Variants in EYS observed in about 807,000 individuals in gnomAD.
EYS encodes the protein protein eyes shut homolog.
Under a neutral mutation model 282.1 loss-of-function variants are expected in EYS, and 250 were observed. The ratio of observed to expected loss-of-function variants is 0.89; its 90% CI spans 0.80 to 0.98. The LOEUF is 0.98. EYS is among the 50% of genes least tolerant of loss of function. EYS has a pLI of 0.00. For synonymous variants in EYS, 1,355 were observed against 1,282.9 expected (o/e 1.06, Z -1.20); for missense variants, 4,016 against 3,709.0 (o/e 1.08, Z -2.15).
At chr6:65,585,135 A>G (rs1041119737) in intron 2 of EYS, among the ~76,000 whole-genome samples, 1 of 151,940 alleles carries the variant, frequency 6.6e-6, no homozygotes, top group African/African-American at 2.4e-5. Context: ...GAAAATACTT[A>G]CAATAAAGCA....
intron 12 of EYS, among the ~76,000 whole-genome samples, chr6:65,074,434 A>T (rs766928945): frequency 2.0e-5 from 3 of 152,054 alleles, no homozygotes; most frequent in African/African-American, 7.2e-5. Context: ...GAGACCTTGT[A>T]GAGACCATGT....
At chr6:65,038,807 C>A (rs1239925215) in intron 13 of EYS, among the ~76,000 whole-genome samples, 7 of 151,070 alleles carry the variant, frequency 4.6e-5, no homozygotes, top group Admixed American at 1.3e-4. Context: ...TTACATTTTT[C>A]TGATGATTAA....
intron 5 of EYS, among the ~76,000 whole-genome samples, chr6:65,464,109 T>C (rs372620778): frequency 6.6e-6 from 1 of 152,172 alleles, no homozygotes; most frequent in Admixed American, 6.6e-5. Flanking sequence ...GGATGTAAAT[T>C]GTCATGTAGT....
At chr6:65,706,101 C>T (rs1769867928) in intron 1 of EYS, among the ~76,000 whole-genome samples, 1 of 151,442 alleles carries the variant, frequency 6.6e-6, no homozygotes, top group Non-Finnish European at 1.5e-5. Context: ...CTTCAATATT[C>T]ATTTCATATG....
At chr6:64,911,856 C>A (rs1005544295) in intron 16 of EYS, among the ~76,000 whole-genome samples, 1 of 151,980 alleles carries the variant, frequency 6.6e-6, no homozygotes, top group Admixed American at 6.6e-5. Flanking sequence ...ATGAAGAGAC[C>A]CCAATCAAGA....
At chr6:64,486,788 C>T (rs749348761) in intron 26 of EYS, among the ~76,000 whole-genome samples, 4 of 151,270 alleles carry the variant, frequency 2.6e-5, no homozygotes, top group Admixed American at 1.3e-4. Context: ...CATAAATCAT[C>T]CAGGCTTAAT....
intron 16 of EYS, among the ~76,000 whole-genome samples, chr6:64,907,879 T>A (rs1041743963): frequency 7.9e-5 from 12 of 152,040 alleles, no homozygotes; most frequent in Admixed American, 7.9e-4. Context: ...CACAAGTAGT[T>A]TATTTGAGAG....
At chr6:65,624,918 G>A (rs895730785) in intron 2 of EYS, among the ~76,000 whole-genome samples, 4 of 152,144 alleles carry the variant, frequency 2.6e-5, no homozygotes, top group African/African-American at 7.2e-5. Context: ...ACTGTGGGAC[G>A]TCACCTTGTG....
chr6:63,760,162 A>G lies in EYS; in HGVS notation c.8071+2299T>C, dbSNP rs574301822. On this transcript the variant is annotated intron_variant, in intron 41 of 42. Coordinates refer to ENST00000503581, the MANE Select transcript of EYS (RefSeq NM_001142800.2). ...AAAAACTCACACATTATGGAATCTAACTTGCTATATGTCATTGGTGCACAA... is the reference window on the plus strand; with the variant it reads ...AAAAACTCACACATTATGGAATCTAGCTTGCTATATGTCATTGGTGCACAA... Among the ~76,000 whole-genome samples, 3 of 152,192 alleles carry G rather than the reference A, an allele frequency of 2.0e-5. No homozygotes were observed. The East Asian group carries it at 5.8e-4, about 29-fold the overall frequency.
At chr6:64,647,236 C>G (rs578147148) in intron 22 of EYS, among the ~76,000 whole-genome samples, 15 of 152,034 alleles carry the variant, frequency 9.9e-5, no homozygotes, top group African/African-American at 3.6e-4. Context: ...TACCTCCTGA[C>G]AAAAGAATTT....
rs374064404 is a variant in EYS at position 63,782,636 on chromosome 6, T to C, written c.7724-4456A>G. 7.2e-5 allele frequency among the ~76,000 whole-genome samples: 11 copies of C among 152,312 alleles called. No individual in the cohort carries two copies. The East Asian group carries it at 1.3e-3, about 19-fold the overall frequency. On this transcript the variant is annotated intron_variant, in intron 39 of 42. Coordinates refer to ENST00000503581, the MANE Select transcript of EYS (RefSeq NM_001142800.2). ...TTTTATTGCATCTATTTGATTCTTC[T>C]CTCTTTTCTTCTTTATTAGTCTTGC...
chr6:64,644,660 G>T (rs1433445516), intron 22 of EYS, among the ~76,000 whole-genome samples: 1 of 152,074 alleles, frequency 6.6e-6, no homozygotes, highest in Non-Finnish European at 1.5e-5. Flanking sequence ...AAGATGATGA[G>T]CAAGGAAATT....
chr6:64,090,590 A>T (rs1029421548), intron 31 of EYS, among the ~76,000 whole-genome samples: 2 of 151,808 alleles, frequency 1.3e-5, no homozygotes, highest in Non-Finnish European at 2.9e-5. Context: ...GAGTGGCTTA[A>T]TTTTTTTTGT....
intron 2 of EYS, among the ~76,000 whole-genome samples, chr6:65,596,762 A>G (rs1765422751): frequency 6.6e-6 from 1 of 152,124 alleles, no homozygotes; most frequent in African/African-American, 2.4e-5. Context: ...TTATAAAACT[A>G]GAAATATTCA....
At chr6:64,119,985 T>C (rs1025669118) in intron 31 of EYS, among the ~76,000 whole-genome samples, 3 of 152,150 alleles carry the variant, frequency 2.0e-5, no homozygotes, top group African/African-American at 7.2e-5. Flanking sequence ...TTATTAGTGT[T>C]TTAACATTAC....
chr6:64,487,060 A>G (rs537997922), intron 26 of EYS, among the ~76,000 whole-genome samples: 60 of 151,392 alleles, frequency 4.0e-4, no homozygotes, highest in African/African-American at 1.4e-3. Context: ...GTAAAAAGGA[A>G]TGCAAAGATA....
At chr6:64,680,171 G>C (rs1769849219) in intron 22 of EYS, among the ~76,000 whole-genome samples, 2 of 152,152 alleles carry the variant, frequency 1.3e-5, no homozygotes, top group South Asian at 4.1e-4. Flanking sequence ...TATGCCAAAA[G>C]TGAGTGATGA....
intron 28 of EYS, among the ~76,000 whole-genome samples, chr6:64,391,925 A>G (rs1191293509): frequency 1.3e-5 from 2 of 152,080 alleles, no homozygotes; most frequent in Non-Finnish European, 2.9e-5. Context: ...AAAAGGATGG[A>G]GGAAGATCTA....
At chr6:64,481,442 G>C (rs922053995) in intron 26 of EYS, among the ~76,000 whole-genome samples, 1 of 149,910 alleles carries the variant, frequency 6.7e-6, no homozygotes, top group African/African-American at 2.4e-5. Context: ...TTTTCAAAAA[G>C]CCTCTATTAA....
Sources: allele counts gnomAD v4.1 joint callset (sites outside exome capture counted in the v4.1 genomes callset), GRCh38; gene constraint gnomAD v4.1.1; transcripts MANE v1.5; gene names NCBI Gene and HGNC (gene_info 2026-07-23, HGNC 2026-07-21).